The following KCNIP2 variants were observed in gnomAD, a reference collection of about 807,000 sequenced individuals.
The protein encoded by KCNIP2 is potassium voltage-gated channel interacting protein 2.
KCNIP2 carries 19 observed loss-of-function variants against 39.0 expected under a neutral mutation model. The ratio of observed to expected loss-of-function variants is 0.49; its 90% CI spans 0.34 to 0.71. The LOEUF is 0.71. KCNIP2 is among the 30% of genes least tolerant of loss of function. KCNIP2 has a pLI of 0.01. For synonymous variants in KCNIP2, 111 were observed against 131.2 expected (o/e 0.85, Z 1.05); for missense variants, 261 against 346.0 (o/e 0.75, Z 1.95).
chr10:101,830,094 C>T (rs563173392), intron 2 of KCNIP2, 197 bp from the exon 3 acceptor site: 2 of 686,916 alleles, frequency 2.9e-6, no homozygotes, highest in South Asian at 3.6e-5. Context: ...AATCCACCCC[C>T]GTGTGGGACC....
chr10:101,827,526 G>A, intron 9 of KCNIP2, 126 bp from the exon 10 acceptor site: 1 of 1,288,916 alleles, frequency 7.8e-7, no homozygotes, highest in South Asian at 1.2e-5. Flanking sequence ...GAGATGCCCA[G>A]AGAGACCTGA....
At chr10:101,833,441 C>T (rs1451171280) in intron 1 of KCNIP2, among the ~76,000 whole-genome samples, 1 of 152,112 alleles carries the variant, frequency 6.6e-6, no homozygotes, top group Admixed American at 6.5e-5. Flanking sequence ...TGATCTGATC[C>T]ACTCCTCATC....
chr10:101,839,814 C>G (rs760307995), intron 1 of KCNIP2: 2 of 1,610,344 alleles, frequency 1.2e-6, no homozygotes, highest in Middle Eastern at 1.7e-4. Flanking sequence ...CCAGCGGGCT[C>G]CGGCACCTGC....
chr10:101,830,036 C>T (rs2065911970), intron 2 of KCNIP2, 139 bp from the exon 3 acceptor site: 1 of 964,592 alleles, frequency 1.0e-6, no homozygotes, highest in Admixed American at 2.7e-5. Context: ...ACACACGAAA[C>T]GGACCCCATG....
At chr10:101,829,378 C>CATCTT in intron 3 of KCNIP2, 179 bp from the exon 4 acceptor site, 1 of 761,362 alleles carries the variant, frequency 1.3e-6, no homozygotes, top group Non-Finnish European at 2.0e-6. Context: ...TGATGGCCAT[C>CATCTT]TTCGAGGTCT....
intron 1 of KCNIP2, among the ~76,000 whole-genome samples, chr10:101,833,544 G>C (rs1295277991): frequency 6.6e-6 from 1 of 152,060 alleles, no homozygotes; most frequent in African/African-American, 2.4e-5. Flanking sequence ...GTATGGAGCT[G>C]GTATATCCTC....
intron 1 of KCNIP2, among the ~76,000 whole-genome samples, chr10:101,831,811 G>A (rs1007564597): frequency 6.6e-6 from 1 of 152,022 alleles, no homozygotes; most frequent in African/African-American, 2.4e-5. Context: ...ATCATGACAT[G>A]TGAGTCTACA....
In KCNIP2 at chr10:101,843,475, A is replaced by G; in HGVS notation, c.73+21T>C. On this transcript the variant is annotated intron_variant, in intron 1 of 9. Transcript: ENST00000356640. This position sits in a 1 kb window ranked among gnomAD's most constrained non-coding sequence, Gnocchi z 6.7. Reference sequence around the variant, plus strand: ...AATGGAATCCACCCTCCCTCCCGCGACCCCCACGTCACTGACTCACCCGTG... The same window carrying G: ...AATGGAATCCACCCTCCCTCCCGCGGCCCCCACGTCACTGACTCACCCGTG... The G allele has an allele frequency of 6.7e-7, 1 of 1,502,146 alleles. No individual in the cohort carries two copies. Among genetic ancestry groups the G allele is most frequent in the Non-Finnish European group, 9.0e-7 (1 of 1,117,298 alleles). 93.1% of individuals were successfully genotyped at this position (1,502,146 alleles called of 1,614,324 possible).
chr10:101,839,650 C>A lies in KCNIP2; in HGVS notation c.73+3846G>T, dbSNP rs2066261062. On this transcript the variant is annotated intron_variant, in intron 1 of 9. Coordinates refer to ENST00000356640, the MANE Select transcript of KCNIP2 (RefSeq NM_173191.3). ...TTCCTTGGAGGGATGTTGCTCCCTC[C>A]ATCTATTTGAGGGGCCCTTCCCTCC... 11 of 1,037,686 alleles carry A rather than the reference C, an allele frequency of 1.1e-5. 1 individual carries two copies. In the South Asian group the frequency reaches 1.3e-4, roughly 12 times the overall value. The allele number at this position is 1,037,686 out of a possible 1,614,324, so 64.3% of individuals were successfully genotyped here.
At chr10:101,839,661 G>A (rs1216871700) in intron 1 of KCNIP2, 3 of 1,154,542 alleles carry the variant, frequency 2.6e-6, no homozygotes, top group Non-Finnish European at 3.9e-6. Context: ...ATCTATTTGA[G>A]GGGCCCTTCC....
intron 1 of KCNIP2, among the ~76,000 whole-genome samples, chr10:101,837,131 G>C (rs1400625421): frequency 6.6e-6 from 1 of 152,036 alleles, no homozygotes; most frequent in Non-Finnish European, 1.5e-5. Context: ...AATAAACAAA[G>C]ATAATATTTA....
At chr10:101,834,660 C>T (rs370291624) in intron 1 of KCNIP2, among the ~76,000 whole-genome samples, 78 of 152,286 alleles carry the variant, frequency 5.1e-4, no homozygotes, top group African/African-American at 1.8e-3. Flanking sequence ...AGCAGTGACC[C>T]GCCTCTGTCC....
chr10:101,835,815 G>C (rs773097931), intron 1 of KCNIP2, among the ~76,000 whole-genome samples: 2 of 152,186 alleles, frequency 1.3e-5, no homozygotes, highest in Non-Finnish European at 2.9e-5. Context: ...GTGCTTACAG[G>C]TGTTGTAACA....
chr10:101,836,182 C>A (rs1035520737), intron 1 of KCNIP2, among the ~76,000 whole-genome samples: 5 of 152,150 alleles, frequency 3.3e-5, no homozygotes, highest in South Asian at 2.1e-4. Flanking sequence ...ACGCGTCCAA[C>A]CTCACACAGT....
chr10:101,829,631 C>T (rs1161899969), intron 3 of KCNIP2: 1 of 187,704 alleles, frequency 5.3e-6, no homozygotes, highest in Non-Finnish European at 1.1e-5. Flanking sequence ...CTCGTCCCAC[C>T]CAGCCCCTCC....
At chr10:101,834,348 T>A (rs1398592376) in intron 1 of KCNIP2, 1 of 398,936 alleles carries the variant, frequency 2.5e-6, no homozygotes, top group Non-Finnish European at 4.4e-6. Context: ...ACAGCAACCA[T>A]CTCCAGCCCT....
intron 1 of KCNIP2, among the ~76,000 whole-genome samples, chr10:101,842,342 CACAT>C (rs2066359428): frequency 6.6e-6 from 1 of 152,262 alleles, no homozygotes; most frequent in Admixed American, 6.5e-5. Context: ...GTACTGGCCT[CACAT>C]ACCTCCCCAT....
intron 1 of KCNIP2, 41 bp from the exon 2 acceptor site, chr10:101,831,208 A>C: frequency 7.1e-7 from 1 of 1,417,948 alleles, no homozygotes; most frequent in Non-Finnish European, 9.7e-7. Flanking sequence ...ATTAACTCCC[A>C]TTGTCCCTCT....
intron 1 of KCNIP2, among the ~76,000 whole-genome samples, chr10:101,841,016 C>A (rs2066318031): frequency 6.6e-6 from 1 of 152,238 alleles, no homozygotes; most frequent in Non-Finnish European, 1.5e-5. Context: ...CCTTTCCCCT[C>A]GGAACCGCAC....
Sources: allele counts gnomAD v4.1 joint callset (sites outside exome capture counted in the v4.1 genomes callset), GRCh38; gene constraint gnomAD v4.1.1; non-coding constraint Gnocchi (gnomAD v3.1); transcripts MANE v1.5; gene names NCBI Gene and HGNC (gene_info 2026-07-23, HGNC 2026-07-21).